Variants in DRC11 observed in about 807,000 individuals in gnomAD.
The protein encoded by DRC11 is dynein regulatory complex subunit 11.
the DRC11 span, among the ~76,000 whole-genome samples, chr2:236,441,405 TC>T: frequency 6.6e-6 from 1 of 151,966 alleles, no homozygotes; most frequent in Non-Finnish European, 1.5e-5. Context: ...GTTGAGATGC[TC>T]TGTGTTTAAG....
the DRC11 span, chr2:236,332,997 G>T: frequency 0.2 from 30,059 of 152,158 alleles, 3,084 homozygotes; most frequent in African/African-American, 0.26. The surrounding 1 kb of genome is among the most constrained non-coding windows in gnomAD (Gnocchi z 5.1). Flanking sequence ...CTCTGCTCCT[G>T]CCTTGGTGGG....
chr2:236,353,017 T>C, the DRC11 span, among the ~76,000 whole-genome samples: 747 of 152,262 alleles, frequency 4.9e-3, 9 homozygotes, highest in African/African-American at 0.017. The surrounding 1 kb of genome is among the most constrained non-coding windows in gnomAD (Gnocchi z 5.0). Flanking sequence ...ATGAGGGCTC[T>C]GGCTCTCTAC....
At chr2:236,484,167 T>C in the DRC11 span, among the ~76,000 whole-genome samples, 2 of 152,250 alleles carry the variant, frequency 1.3e-5, no homozygotes, top group Non-Finnish European at 2.9e-5. Context: ...TCTGCTTTTA[T>C]AAATAGACAG....
At chr2:236,338,899 T>G in the DRC11 span, among the ~76,000 whole-genome samples, 1 of 152,224 alleles carries the variant, frequency 6.6e-6, no homozygotes, top group African/African-American at 2.4e-5. Flanking sequence ...TAGTATAATC[T>G]CAGCACTAAT....
the DRC11 span, among the ~76,000 whole-genome samples, chr2:236,504,765 T>G: frequency 2.0e-5 from 3 of 152,238 alleles, no homozygotes; most frequent in African/African-American, 7.2e-5. This position sits in a 1 kb window ranked among gnomAD's most constrained non-coding sequence, Gnocchi z 5.0. Context: ...CTCATGATAG[T>G]GAGTTCTCAC....
At chr2:236,360,942 C>T in the DRC11 span, among the ~76,000 whole-genome samples, 1 of 152,162 alleles carries the variant, frequency 6.6e-6, no homozygotes, top group Non-Finnish European at 1.5e-5. This position sits in a 1 kb window ranked among gnomAD's most constrained non-coding sequence, Gnocchi z 5.8. Context: ...GCCCCGCTTG[C>T]TTCAGAGGCT....
chr2:236,476,344 T>C, the DRC11 span, among the ~76,000 whole-genome samples: 1 of 152,150 alleles, frequency 6.6e-6, no homozygotes, highest in Non-Finnish European at 1.5e-5. The surrounding 1 kb of genome is among the most constrained non-coding windows in gnomAD (Gnocchi z 4.7). Context: ...ATGGGATTAC[T>C]TTTTTGAATT....
At chr2:236,387,013 C>A in the DRC11 span, among the ~76,000 whole-genome samples, 20 of 151,094 alleles carry the variant, frequency 1.3e-4, 1 homozygote, top group African/African-American at 4.6e-4. Context: ...TTTGATTGCA[C>A]TGTGGTCTGA....
the DRC11 span, among the ~76,000 whole-genome samples, chr2:236,503,394 T>C: frequency 2.6e-5 from 4 of 152,208 alleles, no homozygotes; most frequent in African/African-American, 9.6e-5. The surrounding 1 kb of genome is among the most constrained non-coding windows in gnomAD (Gnocchi z 4.9). Flanking sequence ...AGAGCCCTCA[T>C]TGGCTTCAGT....
At chr2:236,464,977 G>C in the DRC11 span, among the ~76,000 whole-genome samples, 1 of 152,184 alleles carries the variant, frequency 6.6e-6, no homozygotes, top group Non-Finnish European at 1.5e-5. Context: ...AAAGCTTGTA[G>C]AGCCTTGAGC....
At chr2:236,424,236 AT>A in the DRC11 span, among the ~76,000 whole-genome samples, 3 of 152,200 alleles carry the variant, frequency 2.0e-5, no homozygotes, top group Non-Finnish European at 2.9e-5. Context: ...CTTAAAAAAA[AT>A]AGTCGGATAT....
chr2:236,504,919 T>G, the DRC11 span, among the ~76,000 whole-genome samples: 1 of 152,242 alleles, frequency 6.6e-6, no homozygotes, highest in Non-Finnish European at 1.5e-5. This position sits in a 1 kb window ranked among gnomAD's most constrained non-coding sequence, Gnocchi z 5.0. Flanking sequence ...CCTGCAGAAC[T>G]GTTAGTCAAT....
At chr2:236,438,669 A>T in the DRC11 span, among the ~76,000 whole-genome samples, 2 of 152,050 alleles carry the variant, frequency 1.3e-5, no homozygotes, top group African/African-American at 4.8e-5. Context: ...ATCCCTTGTA[A>T]GTTAACAAGG....
the DRC11 span, among the ~76,000 whole-genome samples, chr2:236,485,520 T>G: frequency 3.3e-5 from 5 of 152,278 alleles, 1 homozygote; most frequent in South Asian, 1.0e-3. Flanking sequence ...AAGGGCTTTG[T>G]TTCTTTTCTT....
the DRC11 span, chr2:236,408,079 A>G: frequency 3.3e-6 from 2 of 605,262 alleles, no homozygotes; most frequent in African/African-American, 1.8e-5. The surrounding 1 kb of genome is among the most constrained non-coding windows in gnomAD (Gnocchi z 5.5). Context: ...CTTCAGCATG[A>G]CAAAGCCACT....
chr2:236,424,228 T>G, the DRC11 span, among the ~76,000 whole-genome samples: 9 of 151,892 alleles, frequency 5.9e-5, no homozygotes, highest in Non-Finnish European at 1.3e-4. Flanking sequence ...TGTAAAGACT[T>G]AAAAAAAATA....
At chr2:236,420,790 A>G in the DRC11 span, among the ~76,000 whole-genome samples, 1 of 152,182 alleles carries the variant, frequency 6.6e-6, no homozygotes, top group African/African-American at 2.4e-5. This position sits in a 1 kb window ranked among gnomAD's most constrained non-coding sequence, Gnocchi z 4.8. Context: ...AGCCTGGGTG[A>G]CAGAGTGAGA....
At chr2:236,486,466 A>G in the DRC11 span, among the ~76,000 whole-genome samples, 2 of 151,910 alleles carry the variant, frequency 1.3e-5, no homozygotes, top group Non-Finnish European at 2.9e-5. The surrounding 1 kb of genome is among the most constrained non-coding windows in gnomAD (Gnocchi z 5.7). Context: ...ATGATTCAGT[A>G]ATCACCAGCA....
the DRC11 span, among the ~76,000 whole-genome samples, chr2:236,319,380 G>C: frequency 6.6e-6 from 1 of 152,232 alleles, no homozygotes. This position sits in a 1 kb window ranked among gnomAD's most constrained non-coding sequence, Gnocchi z 6.7. Flanking sequence ...TCCAGGCTCT[G>C]CCCAGGCTGC....
Sources: allele counts gnomAD v4.1 joint callset (sites outside exome capture counted in the v4.1 genomes callset), GRCh38; gene constraint gnomAD v4.1.1; non-coding constraint Gnocchi (gnomAD v3.1); transcripts MANE v1.5; gene names NCBI Gene and HGNC (gene_info 2026-07-23, HGNC 2026-07-21).